Variants in GALNTL6 observed in about 807,000 individuals in gnomAD.
GALNTL6 encodes the protein polypeptide N-acetylgalactosaminyltransferase like 6, also known as polypeptide N-acetylgalactosaminyltransferase-like 6.
Under a neutral mutation model 73.7 loss-of-function variants are expected in GALNTL6, and 46 were observed. The ratio of observed to expected loss-of-function variants is 0.62; its 90% confidence interval spans 0.49 to 0.80. The LOEUF (loss-of-function observed/expected upper bound fraction) is 0.80, where lower values mean the gene tolerates loss of function less well. GALNTL6 is among the 30% of genes least tolerant of loss of function. The pLI, the probability that GALNTL6 is intolerant of heterozygous loss-of-function variation, is 0.00. For synonymous variants in GALNTL6, 259 were observed against 263.7 expected (o/e 0.98, Z 0.17); for missense variants, 604 against 755.0 (o/e 0.80, Z 2.34).
intron 5 of GALNTL6, among the ~76,000 whole-genome samples, chr4:172,480,127 C>T (rs947600930): frequency 5.9e-5 from 9 of 152,108 alleles, no homozygotes; most frequent in African/African-American, 2.2e-4. Flanking sequence ...GAGTTCAAGA[C>T]TATGTCTCTA....
chr4:172,611,748 T>C (rs1182742758), intron 5 of GALNTL6, among the ~76,000 whole-genome samples: 1 of 152,036 alleles, frequency 6.6e-6, no homozygotes, highest in Non-Finnish European at 1.5e-5. Context: ...TTTCATGTAA[T>C]CAGTCTACTC....
At chr4:172,828,527 A>G (rs1742407742) in intron 7 of GALNTL6, among the ~76,000 whole-genome samples, 2 of 152,256 alleles carry the variant, frequency 1.3e-5, no homozygotes, top group South Asian at 2.1e-4. Flanking sequence ...TTTTCTTCAA[A>G]TGTATGATCT....
intron 3 of GALNTL6, among the ~76,000 whole-genome samples, chr4:172,302,081 C>A (rs1052575784): frequency 6.6e-6 from 1 of 152,214 alleles, no homozygotes; most frequent in Non-Finnish European, 1.5e-5. Context: ...GGCACCCCTT[C>A]CCCAGCCTCG....
chr4:171,987,412 A>G (rs998679030), intron 2 of GALNTL6, among the ~76,000 whole-genome samples: 2 of 152,232 alleles, frequency 1.3e-5, no homozygotes, highest in African/African-American at 4.8e-5. Flanking sequence ...TATGTCTGAC[A>G]GAAGGGAAGA....
intron 2 of GALNTL6, among the ~76,000 whole-genome samples, chr4:171,989,965 G>A (rs553101597): frequency 6.6e-6 from 1 of 152,252 alleles, no homozygotes; most frequent in African/African-American, 2.4e-5. Flanking sequence ...CTTTTTAAGA[G>A]CAAATTGCTG....
intron 2 of GALNTL6, among the ~76,000 whole-genome samples, chr4:172,215,836 T>A (rs956753392): frequency 6.6e-6 from 1 of 152,156 alleles, no homozygotes; most frequent in Admixed American, 6.5e-5. Flanking sequence ...ATAATTCAAT[T>A]TGCCCCCTTT....
At chr4:173,025,337 C>T (rs554264710) in intron 12 of GALNTL6, among the ~76,000 whole-genome samples, 2 of 152,296 alleles carry the variant, frequency 1.3e-5, no homozygotes, top group African/African-American at 4.8e-5. Flanking sequence ...CAGCATCAAA[C>T]AGGAAACTGT....
chr4:172,562,506 T>C (rs1452609072), intron 5 of GALNTL6, among the ~76,000 whole-genome samples: 1 of 152,154 alleles, frequency 6.6e-6, no homozygotes, highest in Non-Finnish European at 1.5e-5. Context: ...CTTGTACCAC[T>C]AGAATGGATT....
At position 171,894,162 on chromosome 4, in the gene GALNTL6, C is replaced by A. The variant is rs751389268; in HGVS notation, c.138+79444C>A. 8.5e-5 allele frequency among the ~76,000 whole-genome samples: 13 copies of A among 152,252 alleles called. No homozygotes were observed. The South Asian group carries it at 2.7e-3, about 32-fold the overall frequency. On this transcript the variant is annotated intron_variant, in intron 2 of 12. Transcript: ENST00000506823. ...ATTGTTCATGTATAATTTATACTCA[C>A]AATTAAAAAGCATTTTTAACCAAGT...
At chr4:171,958,029 AAGTAAT>A (rs1739108757) in intron 2 of GALNTL6, among the ~76,000 whole-genome samples, 1 of 152,172 alleles carries the variant, frequency 6.6e-6, no homozygotes, top group Non-Finnish European at 1.5e-5. Context: ...ACCTTTGTGT[AAGTAAT>A]ATGGCCTCAC....
intron 5 of GALNTL6, among the ~76,000 whole-genome samples, chr4:172,802,462 G>T (rs953351730): frequency 6.6e-6 from 1 of 152,108 alleles, no homozygotes; most frequent in Non-Finnish European, 1.5e-5. Context: ...TGTATTGAGA[G>T]TCTAAAGGAA....
At chr4:171,871,992 T>C (rs1172040119) in intron 2 of GALNTL6, among the ~76,000 whole-genome samples, 2 of 152,218 alleles carry the variant, frequency 1.3e-5, no homozygotes, top group Non-Finnish European at 2.9e-5. Flanking sequence ...AATTGTAGAT[T>C]ACTTTGAAAT....
At chr4:172,957,065 C>T (rs915249750) in intron 10 of GALNTL6, among the ~76,000 whole-genome samples, 3 of 152,164 alleles carry the variant, frequency 2.0e-5, no homozygotes, top group African/African-American at 7.2e-5. Context: ...AAGTGTCTAC[C>T]TAGACCAAGA....
intron 3 of GALNTL6, among the ~76,000 whole-genome samples, chr4:172,252,609 T>C (rs1327345020): frequency 1.3e-5 from 2 of 151,946 alleles, no homozygotes; most frequent in Non-Finnish European, 2.9e-5. Flanking sequence ...TAAGTAAAAA[T>C]GATATATTAA....
At chr4:172,989,941 C>T (rs143092955) in intron 10 of GALNTL6, among the ~76,000 whole-genome samples, 16 of 152,290 alleles carry the variant, frequency 1.1e-4, no homozygotes, top group East Asian at 3.9e-4. Flanking sequence ...TGAGCCCAGC[C>T]GCAAATTTAT....
intron 5 of GALNTL6, among the ~76,000 whole-genome samples, chr4:172,465,664 A>G (rs1732786264): frequency 2.0e-5 from 3 of 152,152 alleles, no homozygotes; most frequent in Admixed American, 1.3e-4. Context: ...TACCTAACAT[A>G]TATTTCTGAT....
chr4:172,195,838 A>T (rs932939923), intron 2 of GALNTL6, among the ~76,000 whole-genome samples: 1 of 152,184 alleles, frequency 6.6e-6, no homozygotes, highest in Non-Finnish European at 1.5e-5. Flanking sequence ...AAAAATCTAG[A>T]AAGATCTCAA....
At chr4:172,980,461 T>G (rs1413467335) in intron 10 of GALNTL6, among the ~76,000 whole-genome samples, 1 of 152,128 alleles carries the variant, frequency 6.6e-6, no homozygotes, top group South Asian at 2.1e-4. Context: ...CAGTGCCACA[T>G]AGTAGGTGGC....
chr4:172,000,002 G>A (rs1740623616), intron 2 of GALNTL6, among the ~76,000 whole-genome samples: 1 of 152,076 alleles, frequency 6.6e-6, no homozygotes, highest in Non-Finnish European at 1.5e-5. Context: ...GTTTTCTTTT[G>A]GAGAATTATT....
Sources: allele counts gnomAD v4.1 joint callset (sites outside exome capture counted in the v4.1 genomes callset), GRCh38; gene constraint gnomAD v4.1.1; transcripts MANE v1.5; gene names NCBI Gene and HGNC (gene_info 2026-07-23, HGNC 2026-07-21).